PTPRR: variants seen among roughly 807,000 people sequenced by gnomAD.
PTPRR encodes protein tyrosine phosphatase receptor type R, also known as receptor-type tyrosine-protein phosphatase R.
In PTPRR, 38 loss-of-function variants were observed where a neutral mutation model predicts 77.2. The ratio of observed to expected loss-of-function variants is 0.49; its 90% CI spans 0.38 to 0.65. PTPRR has a LOEUF of 0.65. Among genes scored for constraint, PTPRR ranks in the 30% least tolerant of loss-of-function variants. The pLI, the probability that PTPRR is intolerant of heterozygous loss-of-function variation, is 0.00. For missense variants in PTPRR, 744 were observed against 799.2 expected (o/e 0.93, Z 0.83); for synonymous variants, 299 against 283.1 (o/e 1.06, Z -0.57).
chr12:70,648,024 AC>A (rs536539931), intron 13 of PTPRR, among the ~76,000 whole-genome samples: 132 of 152,288 alleles, frequency 8.7e-4, no homozygotes, highest in African/African-American at 3.1e-3. Flanking sequence ...CTTGAGTGTA[AC>A]CCACTTAGGC....
intron 6 of PTPRR, among the ~76,000 whole-genome samples, chr12:70,745,069 A>AT (rs537130272): frequency 3.7e-4 from 56 of 150,654 alleles, no homozygotes; most frequent in East Asian, 2.3e-3. Context: ...AATGTCATGG[A>AT]TTTTTTTTTT....
intron 5 of PTPRR, among the ~76,000 whole-genome samples, chr12:70,750,210 A>G (rs1592731056): frequency 1.3e-5 from 2 of 152,156 alleles, no homozygotes; most frequent in African/African-American, 4.8e-5. Context: ...AAATTCTGCC[A>G]AGTCTTATGT....
rs11178399 is a variant in PTPRR at position 70,764,626 on chromosome 12, C to T, written c.471+39G>A. On this transcript the variant is annotated intron_variant, in intron 3 of 13. Coordinates refer to ENST00000283228, the MANE Select transcript of PTPRR (RefSeq NM_002849.4). ...TTAGTGATTAAAAAAACCACACACA[C>T]GGCTTGAATTTTGGAAATGCGAAAT... 0.077 allele frequency: 116,510 copies of T among 1,514,560 alleles called. 4,900 individuals are homozygous for T. The highest frequency in any genetic ancestry group is 0.085 in the Non-Finnish European group (92,412 of 1,089,538). 93.8% of individuals were successfully genotyped at this position (1,514,560 alleles called of 1,614,324 possible).
intron 2 of PTPRR, among the ~76,000 whole-genome samples, chr12:70,880,886 C>A (rs760959863): frequency 6.6e-6 from 1 of 152,078 alleles, no homozygotes; most frequent in South Asian, 2.1e-4. Flanking sequence ...AATAATCCAG[C>A]TTGGCATAGA....
chr12:70,790,995 A>G (rs1359828739), intron 2 of PTPRR, among the ~76,000 whole-genome samples: 1 of 152,142 alleles, frequency 6.6e-6, no homozygotes, highest in East Asian at 1.9e-4. Context: ...CTCCACATCT[A>G]TCATGGGCCA....
At chr12:70,902,994 G>A (rs1483034520) in intron 1 of PTPRR, among the ~76,000 whole-genome samples, 1 of 151,822 alleles carries the variant, frequency 6.6e-6, no homozygotes, top group East Asian at 1.9e-4. Context: ...AGGACATTAT[G>A]CTGAGTGAAA....
intron 13 of PTPRR, among the ~76,000 whole-genome samples, chr12:70,644,457 C>A (rs916227222): frequency 2.6e-5 from 4 of 152,168 alleles, no homozygotes; most frequent in Admixed American, 2.0e-4. Flanking sequence ...ACACTGTTGT[C>A]AAGACAAATT....
intron 2 of PTPRR, among the ~76,000 whole-genome samples, chr12:70,818,148 AG>A (rs1299817995): frequency 6.6e-6 from 1 of 150,946 alleles, no homozygotes; most frequent in African/African-American, 2.4e-5. Context: ...GGATTGAGGC[AG>A]TTCAAGCTCT....
At chr12:70,797,427 T>C (rs1891535259) in intron 2 of PTPRR, among the ~76,000 whole-genome samples, 1 of 152,210 alleles carries the variant, frequency 6.6e-6, no homozygotes, top group Non-Finnish European at 1.5e-5. Flanking sequence ...TATAAATATA[T>C]ATAAGCTACC....
chr12:70,788,711 T>C, intron 2 of PTPRR: 1 of 828,264 alleles, frequency 1.2e-6, no homozygotes, highest in East Asian at 2.7e-5. Context: ...GACTCATTTT[T>C]CTACATTTAC....
At chr12:70,714,491 C>T (rs1382918509) in intron 6 of PTPRR, among the ~76,000 whole-genome samples, 1 of 151,958 alleles carries the variant, frequency 6.6e-6, no homozygotes, top group Non-Finnish European at 1.5e-5. Flanking sequence ...CAACTTTTTC[C>T]CTACTTTACA....
chr12:70,720,509 A>AT (rs34611421), intron 6 of PTPRR, among the ~76,000 whole-genome samples: 16,410 of 136,754 alleles, frequency 0.12, 1,142 homozygotes, highest in Middle Eastern at 0.15. Context: ...TACCCTGGTA[A>AT]TTTTTTTTTT....
intron 12 of PTPRR, 27 bp from the exon 13 acceptor site, chr12:70,656,844 A>T (rs1460216528): frequency 1.4e-6 from 2 of 1,434,242 alleles, no homozygotes; most frequent in African/African-American, 2.8e-5. Context: ...AGAAATTTAA[A>T]AAGTGGGGGA....
At chr12:70,686,223 G>A (rs938819882) in intron 8 of PTPRR, among the ~76,000 whole-genome samples, 11 of 151,826 alleles carry the variant, frequency 7.2e-5, no homozygotes, top group Non-Finnish European at 8.8e-5. Flanking sequence ...AATCTCTTAC[G>A]TTCCCCACGA....
chr12:70,803,592 G>A (rs911481516), intron 2 of PTPRR, among the ~76,000 whole-genome samples: 2 of 152,086 alleles, frequency 1.3e-5, no homozygotes, highest in African/African-American at 4.8e-5. Flanking sequence ...GTTCCCATAG[G>A]TTCTACTATG....
chr12:70,805,524 T>C (rs1891694816), intron 2 of PTPRR, among the ~76,000 whole-genome samples: 1 of 152,070 alleles, frequency 6.6e-6, no homozygotes, highest in African/African-American at 2.4e-5. Flanking sequence ...GGGTTCCTTT[T>C]TTACTTTTTA....
intron 8 of PTPRR, among the ~76,000 whole-genome samples, chr12:70,696,665 A>AT (rs959462293): frequency 1.4e-4 from 21 of 151,520 alleles, no homozygotes; most frequent in Admixed American, 4.0e-4. Flanking sequence ...CCATCACAGC[A>AT]TTTTTTTTTA....
intron 2 of PTPRR, among the ~76,000 whole-genome samples, chr12:70,815,667 GC>G (rs1891890489): frequency 6.6e-6 from 1 of 152,106 alleles, no homozygotes; most frequent in African/African-American, 2.4e-5. Context: ...ACTTCTGGTA[GC>G]TTCTATGTGT....
At chr12:70,732,676 T>G (rs976052729) in intron 6 of PTPRR, among the ~76,000 whole-genome samples, 1 of 152,182 alleles carries the variant, frequency 6.6e-6, no homozygotes, top group Non-Finnish European at 1.5e-5. Flanking sequence ...TTATACTGCC[T>G]CAGCCTCCCA....
Sources: allele counts gnomAD v4.1 joint callset (sites outside exome capture counted in the v4.1 genomes callset), GRCh38; gene constraint gnomAD v4.1.1; transcripts MANE v1.5; gene names NCBI Gene and HGNC (gene_info 2026-07-23, HGNC 2026-07-21).